The following RBMXL3 variants were observed in gnomAD, a reference collection of about 807,000 sequenced individuals.
RBMXL3 encodes RBMX like 3, also known as RNA-binding motif protein, X-linked-like-3.
A neutral mutation model predicts 0.8 loss-of-function variants in RBMXL3; 2 were observed. The observed-to-expected ratio is 2.54, with a 90% CI of 1.04 to 8.00. The LOEUF is 8.00. RBMXL3 is among the 30% of genes most tolerant of loss of function. RBMXL3 has a pLI of 0.04. For missense variants in RBMXL3, 1,127 were observed against 1,068.0 expected, an observed-to-expected ratio of 1.06 and a Z score of -0.77; for synonymous variants, 447 against 449.8, an observed-to-expected ratio of 0.99 and a Z score of 0.08.
In RBMXL3 at chrX:115,192,395, A is replaced by C; in HGVS notation, c.2954A>C (p.Glu985Ala). ...DRYGGGGHYE[E>A]YQGSLPDAYS... ...TACGGAGGAGGAGGCCACTACGAGG[A>C]GTACCAGGGCAGCTTGCCTGACGCC... Residue 985 changes from glutamate (E) to alanine (A), a missense_variant, in exon 1 of 1, where the codon GAG becomes GCG. Transcript: ENST00000424776. The C allele has an allele frequency of 8.6e-7, 1 of 1,166,468 alleles. No homozygotes were observed. The highest frequency in any genetic ancestry group is 2.6e-5 in the Admixed American group (1 of 38,773).
rs1364016703 is a variant in RBMXL3, at chrX:115,190,149, CCCGCGGGTCCGGGAG to C, written c.711_725del (p.Arg238_Pro242del). ...TGTGGGGGCAAGATGGCTACTCAGG[CCCGCGGGTCCGGGAG>C]CCACTGCCCCCGTGCCGCGACCCTG... On this transcript the variant is annotated inframe_deletion, in exon 1 of 1. Transcript: ENST00000424776. 8.6e-7 allele frequency: 1 copy of C among 1,162,516 alleles called. No individual in the cohort carries two copies. Among genetic ancestry groups the C allele is most frequent in the Non-Finnish European group, 1.1e-6 (1 of 870,707 alleles).
chrX:115,190,423 C>T lies in RBMXL3; in HGVS notation c.982C>T (p.Arg328Cys), dbSNP rs782117071. 8.6e-6 allele frequency: 10 copies of T among 1,163,381 alleles called. No homozygotes were observed. The highest frequency in any genetic ancestry group is 3.3e-5 in the East Asian group (1 of 30,621). Residue 328 changes from arginine to cysteine, a missense_variant, in exon 1 of 1, where the codon CGC becomes TGC. Physicochemically the swap from Arg to Cys is radical, Grantham distance 180. Coordinates refer to ENST00000424776, the MANE Select transcript of RBMXL3 (RefSeq NM_001145346.2). ...GTPPSYGGGC[R>C]YEEYQGNSPD... ...ACCGCCATCTTATGGAGGAGGATGC[C>T]GCTACGAGGAGTACCAGGGCAACTC...
chrX:115,190,719 C>T lies in RBMXL3; in HGVS notation c.1278C>T (p.Tyr426=), dbSNP rs368002966. The change falls in exon 1 of 1, where the codon TAC becomes TAT. Residue 426 remains tyrosine (Y), a synonymous_variant. Coordinates refer to ENST00000424776, the MANE Select transcript of RBMXL3 (RefSeq NM_001145346.2). ...GAGGAGAAGGCCGCTATGAGGAGTA[C>T]CGAGGCCGCTCACACGAGGCCCGCA... ...HYGGEGRYEE[Y]RGRSHEARSG... 24 of 1,137,533 alleles carry T rather than the reference C, an allele frequency of 2.1e-5. No homozygotes were observed. The African/African-American group carries it at 4.0e-4, about 19-fold the overall frequency. 93.7% of individuals were successfully genotyped at this position (1,137,533 alleles called of 1,213,427 possible).
At position 115,189,867 on chromosome X, in the gene RBMXL3, C is replaced by T. The variant is rs2072770166; in HGVS notation, c.426C>T (p.Tyr142=). 2 of 1,165,421 alleles carry T rather than the reference C, an allele frequency of 1.7e-6. No individual in the cohort carries two copies. The highest frequency in any genetic ancestry group is 2.3e-6 in the Non-Finnish European group (2 of 871,922). The change falls in exon 1 of 1, where the codon TAC becomes TAT. Residue 142 remains tyrosine (Y), a synonymous_variant. Transcript: ENST00000424776. ...CGGGGTATTTCGACCTGTGGCCCTA[C>T]AGGGCCCCGATGCCCAGGAAGCGCG... ...GYAGYFDLWP[Y]RAPMPRKRGP... is the part of the protein sequence containing the mutation.
chrX:115,192,117 G>A lies in RBMXL3; in HGVS notation c.2676G>A (p.Arg892=), dbSNP rs2147333146. 4 of 1,166,725 alleles carry A rather than the reference G, an allele frequency of 3.4e-6. No homozygotes were observed. Among genetic ancestry groups the A allele is most frequent in the East Asian group, 3.3e-5 (1 of 30,648 alleles). ...ACCACTACACCGAAGCCTACAGCAG[G>A]GGCCGCGACAGTTTCAGCAACAGCT... is the stretch of plus-strand genomic sequence containing the variant. ...SGDHYTEAYS[R]GRDSFSNSYG... The change falls in exon 1 of 1, where the codon AGG becomes AGA. Residue 892 remains arginine (R), a synonymous_variant. Transcript: ENST00000424776.
In RBMXL3 at chrX:115,191,404, G is replaced by A. The variant is rs200037364; in HGVS notation, c.1963G>A (p.Asp655Asn). ...RSPDAYSGGH[D>N]SSGQSNCYGG... is the part of the protein sequence containing the mutation. ...GCCTGATGCCTACAGTGGGGGCCACGACAGTTCTGGCCAGAGCAACTGCTA... is the reference window on the plus strand; with the variant it reads ...GCCTGATGCCTACAGTGGGGGCCACAACAGTTCTGGCCAGAGCAACTGCTA... The change falls in exon 1 of 1, where the codon GAC (aspartate) becomes AAC (asparagine). Residue 655 changes from aspartate to asparagine, a missense_variant. Physicochemically the swap from Asp to Asn is conservative, Grantham distance 23 (BLOSUM62 1). Transcript: ENST00000424776. 5.5e-4 allele frequency: 631 copies of A among 1,152,644 alleles called. No homozygotes were observed. Among genetic ancestry groups the A allele is most frequent in the Middle Eastern group, 3.5e-3 (15 of 4,234 alleles). 95.0% of individuals were successfully genotyped at this position (1,152,644 alleles called of 1,213,427 possible).
In RBMXL3 at chrX:115,192,024, C is replaced by T. The variant is rs782703887; in HGVS notation, c.2583C>T (p.Tyr861=). Residue 861 remains tyrosine (Y), a synonymous_variant, in exon 1 of 1, where the codon TAC becomes TAT. Transcript: ENST00000424776. ...ACCGCTATGGAGGAGGAGGCCACTA[C>T]GAAGAGTACCGAGGCCGCTCGCACG... ...RSHRYGGGGH[Y]EEYRGRSHDT... is the part of the protein sequence containing the mutation. 42 of 1,166,187 alleles carry T rather than the reference C, an allele frequency of 3.6e-5. No homozygotes were observed. The highest frequency in any genetic ancestry group is 2.8e-4 in the Admixed American group (11 of 38,621).
rs868982641 is a variant in RBMXL3 at position 115,189,977 on chromosome X, G to A, written c.536G>A (p.Arg179His). 8.6e-6 allele frequency: 10 copies of A among 1,162,399 alleles called. No individual in the cohort carries two copies. The highest frequency in any genetic ancestry group is 6.5e-5 in the East Asian group (2 of 30,624). Residue 179 changes from arginine (R) to histidine (H), a missense_variant, in exon 1 of 1, where the codon CGC becomes CAC. By Grantham distance (29) the Arg-to-His change is conservative. Transcript: ENST00000424776. ...GCTCACAGCGTTGGCTGTGGAATGC[G>A]CGGGAAGGCACCGACTGTGTCGGGG... ...SLAHSVGCGM[R>H]GKAPTVSGQD... is the part of the protein sequence containing the mutation.
In RBMXL3 at chrX:115,190,675, G is replaced by T; in HGVS notation, c.1234G>T (p.Gly412Cys). ...CCGCAACAGTTCCAGCAACAGTTAC[G>T]GCCAGAGCCACCACTATGGAGGAGA... Reference protein sequence around the residue: ...GGRNSSSNSYGQSHHYGGEGR... With the variant: ...GGRNSSSNSYCQSHHYGGEGR... Residue 412 changes from glycine to cysteine, a missense_variant, in exon 1 of 1, where the codon GGC (glycine) becomes TGC (cysteine). Physicochemically the swap from Gly to Cys is radical, Grantham distance 159. Coordinates refer to ENST00000424776, the MANE Select transcript of RBMXL3 (RefSeq NM_001145346.2). The T allele has an allele frequency of 8.7e-7, 1 of 1,152,042 alleles. No individual in the cohort carries two copies. The highest frequency in any genetic ancestry group is 2.7e-5 in the Admixed American group (1 of 37,459). The allele number at this position is 1,152,042 out of a possible 1,213,427, so 94.9% of individuals were successfully genotyped here.
Position 115,191,124 on chromosome X carries a change from C to G in RBMXL3, c.1683C>G (p.Asp561Glu), listed in dbSNP as rs868976223. ...ATGAGTACCGAGGCCGCTCGCATGA[C>G]GCCCACAGTGGGGGCTGCTCTGCCG... ...GRYEYRGRSHDAHSGGCSADA... is the reference protein window; with the variant it reads ...GRYEYRGRSHEAHSGGCSADA... The change falls in exon 1 of 1, where the codon GAC (aspartate) becomes GAG (glutamate). Residue 561 changes from aspartate to glutamate, a missense_variant. By Grantham distance (45) the Asp-to-Glu change is conservative (BLOSUM62 2). Transcript: ENST00000424776. The G allele has an allele frequency of 1.5e-5, 17 of 1,145,836 alleles. No individual in the cohort carries two copies. In the African/African-American group the frequency reaches 3.0e-4, roughly 20 times the overall value. The allele number at this position is 1,145,836 out of a possible 1,213,427, so 94.4% of individuals were successfully genotyped here.
At position 115,190,279 on chromosome X, in the gene RBMXL3, A is replaced by C; in HGVS notation, c.838A>C (p.Asn280His). 8.7e-7 allele frequency: 1 copy of C among 1,152,328 alleles called. No individual in the cohort carries two copies. Among genetic ancestry groups the C allele is most frequent in the Non-Finnish European group, 1.2e-6 (1 of 863,531 alleles). 95.0% of individuals were successfully genotyped at this position (1,152,328 alleles called of 1,213,427 possible). Residue 280 changes from asparagine to histidine, a missense_variant, in exon 1 of 1, where the codon AAC becomes CAC. Transcript: ENST00000424776. ...CTACCGTCCCTTGAGAGGCGACGGC[A>C]ACCAAAATGGCTACAGGGGTCGCGA... ...PDYRPLRGDGNQNGYRGRDHE... is the reference protein window; with the variant it reads ...PDYRPLRGDGHQNGYRGRDHE...
At position 115,189,816 on chromosome X, in the gene RBMXL3, C is replaced by T. The variant is rs2072768906; in HGVS notation, c.375C>T (p.Gly125=). ...GCCCACAGCGACCCCCCTCTCAGGG[C>T]AGGCCTGATGACGGCCGCGGCTACG... The part of the protein sequence containing the change: ...GSSPQRPPSQ[G]RPDDGRGYAG... Residue 125 remains glycine (G), a synonymous_variant, in exon 1 of 1, where the codon GGC becomes GGT. Transcript: ENST00000424776. The T allele has an allele frequency of 6.0e-6, 7 of 1,166,395 alleles. No homozygotes were observed. The Admixed American group carries it at 7.7e-5, about 13-fold the overall frequency.
In RBMXL3 at chrX:115,189,912, G is replaced by A. The variant is rs1331319542; in HGVS notation, c.471G>A (p.Trp157Ter). The change falls in exon 1 of 1, where the codon TGG (tryptophan) becomes TGA (stop). Residue 157 changes from tryptophan to a stop codon, truncating the protein, a stop_gained. Coordinates refer to ENST00000424776, the MANE Select transcript of RBMXL3 (RefSeq NM_001145346.2). LOFTEE classifies it low-confidence loss of function (END_TRUNC). The stretch of plus-strand genomic sequence containing the variant: ...AGCGCGGGCCGCCACCGCGGCACTG[G>A]GCCAGCCCACCCCACAAGAGGGCCA... ...PRKRGPPPRH[W>*]ASPPHKRATP... is the part of the protein sequence containing the mutation. 4.3e-6 allele frequency: 5 copies of A among 1,158,970 alleles called. No homozygotes were observed. The highest frequency in any genetic ancestry group is 5.8e-6 in the Non-Finnish European group (5 of 868,425).
chrX:115,191,496 G>A lies in RBMXL3; in HGVS notation c.2055G>A (p.Ser685=), dbSNP rs5988231. 2.5e-3 allele frequency: 2,786 copies of A among 1,131,597 alleles called. 54 individuals are homozygous for A. In the African/African-American group the frequency reaches 0.047, roughly 19 times the overall value. The allele number at this position is 1,131,597 out of a possible 1,213,427, so 93.3% of individuals were successfully genotyped here. A position where few individuals can be genotyped will look rare whatever the true frequency, so the allele number is the denominator to read the frequency against. ...RLLDANSGGR[S]PDAYSGGHDS... ...TCGATGCCAACAGTGGAGGCCGCTC[G>A]CCTGATGCCTACAGTGGGGGCCACG... The change falls in exon 1 of 1, where the codon TCG becomes TCA. Residue 685 remains serine, a synonymous_variant. Coordinates refer to ENST00000424776, the MANE Select transcript of RBMXL3 (RefSeq NM_001145346.2).
Position 115,192,408 on chromosome X carries a change from C to G in RBMXL3, c.2967C>G (p.Ser989Arg). The G allele has an allele frequency of 8.6e-7, 1 of 1,166,440 alleles. No individual in the cohort carries two copies. The highest frequency in any genetic ancestry group is 1.1e-6 in the Non-Finnish European group (1 of 871,769). The change falls in exon 1 of 1, where the codon AGC becomes AGG. Residue 989 changes from serine (S) to arginine (R), a missense_variant. Transcript: ENST00000424776. ...GGGHYEEYQG[S>R]LPDAYSGDHD... ...GCCACTACGAGGAGTACCAGGGCAG[C>G]TTGCCTGACGCCTACAGCGGCGACC...
Position 115,192,631 on chromosome X carries a change from C to A in RBMXL3, c.3190C>A (p.Arg1064=), listed in dbSNP as rs201685275. The A allele has an allele frequency of 8.6e-7, 1 of 1,169,314 alleles. No individual in the cohort carries two copies. The highest frequency in any genetic ancestry group is 1.9e-5 in the South Asian group (1 of 52,822). ...AGGCCGCTTCGAGAGGGGGGAAGGCCGGAGCAGATACTAAGCAGGAACAGA... is the reference window on the plus strand; with the variant it reads ...AGGCCGCTTCGAGAGGGGGGAAGGCAGGAGCAGATACTAAGCAGGAACAGA... ...QGGRFERGEG[R]SRY is the part of the protein sequence containing the mutation. Residue 1064 remains arginine, a synonymous_variant, in exon 1 of 1, where the codon CGG becomes AGG. Transcript: ENST00000424776.
rs781912638 is a variant in RBMXL3 at position 115,190,223 on chromosome X, G to A, written c.782G>A (p.Arg261His). Residue 261 changes from arginine (R) to histidine (H), a missense_variant, in exon 1 of 1, where the codon CGC (arginine) becomes CAC (histidine). Physicochemically the swap from Arg to His is conservative, Grantham distance 29. Coordinates refer to ENST00000424776, the MANE Select transcript of RBMXL3 (RefSeq NM_001145346.2). Reference sequence around the variant, plus strand: ...GTCCCTGCGCTCAGAGACTACAGCCGCCGCTATTATGGCCACTCCAGTGTC... The same window carrying A: ...GTCCCTGCGCTCAGAGACTACAGCCACCGCTATTATGGCCACTCCAGTGTC... ...DFVPALRDYS[R>H]RYYGHSSVPD... The A allele has an allele frequency of 5.9e-5, 69 of 1,164,560 alleles. No individual in the cohort carries two copies. Among genetic ancestry groups the A allele is most frequent in the South Asian group, 3.4e-4 (18 of 52,449 alleles).
chrX:115,189,420 A>T lies in RBMXL3; in HGVS notation c.-22A>T. On this transcript the variant is annotated 5_prime_UTR_variant, in exon 1 of 1. Coordinates refer to ENST00000424776, the MANE Select transcript of RBMXL3 (RefSeq NM_001145346.2). ...GCGTCATCACTTCCCACTTCCTCTG[A>T]CCCACCATTCGGCAGGGAGACATGA... The T allele has an allele frequency of 4.3e-6, 5 of 1,154,481 alleles. No individual in the cohort carries two copies. Among genetic ancestry groups the T allele is most frequent in the Non-Finnish European group, 5.8e-6 (5 of 864,925 alleles).
chrX:115,190,405 T>A lies in RBMXL3; in HGVS notation c.964T>A (p.Ser322Thr). The change falls in exon 1 of 1, where the codon TCT becomes ACT. Residue 322 changes from serine (S) to threonine (T), a missense_variant. By Grantham distance (58) the Ser-to-Thr change is moderately conservative. Coordinates refer to ENST00000424776, the MANE Select transcript of RBMXL3 (RefSeq NM_001145346.2). ...TGCCCCTGTGTGGGGGACACCGCCA[T>A]CTTATGGAGGAGGATGCCGCTACGA... ...GAAPVWGTPPSYGGGCRYEEY... is the reference protein window; with the variant it reads ...GAAPVWGTPPTYGGGCRYEEY... The A allele has an allele frequency of 8.6e-7, 1 of 1,163,095 alleles. No homozygotes were observed. The highest frequency in any genetic ancestry group is 1.1e-6 in the Non-Finnish European group (1 of 870,662).
Sources: gnomAD v4.1 joint callset for allele counts on GRCh38, gnomAD v4.1.1 for gene constraint, MANE v1.5 for transcripts, NCBI Gene and HGNC (gene_info 2026-07-23, HGNC 2026-07-21) for gene names.